Variants in ZNHIT6 observed in about 807,000 individuals in gnomAD.
The protein encoded by ZNHIT6 is zinc finger HIT-type containing 6.
A neutral mutation model predicts 57.2 loss-of-function variants in ZNHIT6; 45 were observed. That is an observed-to-expected ratio of 0.79 (90% CI 0.62 to 1.01). The LOEUF (loss-of-function observed/expected upper bound fraction) is 1.01. ZNHIT6 is among the 50% of genes least tolerant of loss of function. ZNHIT6 has a pLI of 0.00. For missense variants in ZNHIT6, 528 were observed against 567.3 expected (o/e 0.93, Z 0.70); for synonymous variants, 188 against 190.0 (o/e 0.99, Z 0.09).
intron 8 of ZNHIT6, among the ~76,000 whole-genome samples, chr1:85,662,758 T>C (rs1661260966): frequency 1.3e-5 from 2 of 152,202 alleles, no homozygotes; most frequent in Non-Finnish European, 2.9e-5. Flanking sequence ...GGACGATACC[T>C]GCTTGACATG....
chr1:85,670,533 C>T (rs1661530686), intron 8 of ZNHIT6, among the ~76,000 whole-genome samples: 1 of 152,104 alleles, frequency 6.6e-6, no homozygotes, highest in African/African-American at 2.4e-5. Context: ...CACAACTCTG[C>T]AGGAAATATA....
intron 5 of ZNHIT6, among the ~76,000 whole-genome samples, chr1:85,694,974 T>C (rs1662324230): frequency 6.6e-6 from 1 of 151,926 alleles, no homozygotes; most frequent in African/African-American, 2.4e-5. Flanking sequence ...CATTAAAAAA[T>C]GAAAATAAGA....
chr1:85,679,830 C>A (rs568779193), intron 6 of ZNHIT6, among the ~76,000 whole-genome samples: 37 of 152,292 alleles, frequency 2.4e-4, no homozygotes, highest in African/African-American at 8.7e-4. Flanking sequence ...GGCAATCCAT[C>A]CGCCTCGACC....
intron 4 of ZNHIT6, 102 bp from the exon 5 acceptor site, chr1:85,702,362 A>C (rs947579635): frequency 1.4e-6 from 1 of 698,890 alleles, no homozygotes; most frequent in Non-Finnish European, 2.4e-6. Context: ...CTGAGAACCT[A>C]AGTGTTACAA....
At chr1:85,679,409 C>T (rs1661797724) in intron 6 of ZNHIT6, among the ~76,000 whole-genome samples, 1 of 152,038 alleles carries the variant, frequency 6.6e-6, no homozygotes, top group African/African-American at 2.4e-5. Context: ...TTGTATGCAA[C>T]TCCAAATAAC....
At chr1:85,661,092 A>G (rs1661207734) in intron 8 of ZNHIT6, among the ~76,000 whole-genome samples, 1 of 152,238 alleles carries the variant, frequency 6.6e-6, no homozygotes, top group Non-Finnish European at 1.5e-5. Context: ...CTCTTAATCT[A>G]CCATTAATAT....
chr1:85,679,568 T>TTG (rs1553156736), intron 6 of ZNHIT6, among the ~76,000 whole-genome samples: 2 of 150,620 alleles, frequency 1.3e-5, no homozygotes, highest in Admixed American at 6.6e-5. Flanking sequence ...AAAATGTTTT[T>TTG]TTTTTTTTTT....
intron 8 of ZNHIT6, among the ~76,000 whole-genome samples, chr1:85,659,664 A>C (rs1363478287): frequency 6.6e-6 from 1 of 152,220 alleles, no homozygotes; most frequent in Non-Finnish European, 1.5e-5. Flanking sequence ...CACCATAATC[A>C]TAGCTGAGTA....
intron 8 of ZNHIT6, among the ~76,000 whole-genome samples, chr1:85,673,616 C>G (rs956271614): frequency 1.3e-5 from 2 of 152,170 alleles, no homozygotes; most frequent in Non-Finnish European, 2.9e-5. Context: ...AAAGAAACTA[C>G]ATGTTTCTGA....
At position 85,653,774 on chromosome 1, in the gene ZNHIT6, A is replaced by G. The variant is rs1660981135; in HGVS notation, c.*284T>C. On this transcript the variant is annotated 3_prime_UTR_variant, in exon 10 of 10. Transcript: ENST00000370574. ...AAGAAAAAAGAAAAAAAAAGTTTTC[A>G]GTTTATGGAATTAAGCAATTAAGCA... 3.2e-6 allele frequency: 1 copy of G among 310,754 alleles called. No homozygotes were observed. Among genetic ancestry groups the G allele is most frequent in the Non-Finnish European group, 5.8e-6 (1 of 172,144 alleles). The allele number at this position is 310,754 out of a possible 1,614,324, so 19.2% of individuals were successfully genotyped here. A position where few individuals can be genotyped will look rare whatever the true frequency, so the allele number is the denominator to read the frequency against.
At chr1:85,667,961 A>AAAAAAAAAAAAAAAAAAAAATATATATAT in intron 8 of ZNHIT6, among the ~76,000 whole-genome samples, 3 of 18,200 alleles carry the variant, frequency 1.6e-4, no homozygotes, top group Non-Finnish European at 3.0e-4. Context: ...AAAAAAAAAA[A>AAAAAAAAAAAAAAAAAAAAATATATATAT]ATATATATAT....
intron 8 of ZNHIT6, among the ~76,000 whole-genome samples, chr1:85,669,778 T>C (rs909897433): frequency 5.3e-5 from 8 of 152,182 alleles, no homozygotes; most frequent in African/African-American, 1.9e-4. Context: ...CTGGGCACCT[T>C]TTATGCCTTG....
In ZNHIT6 at chr1:85,657,410, C is replaced by G. The variant is rs139595501; in HGVS notation, c.1372+437G>C. 3.4e-4 allele frequency among the ~76,000 whole-genome samples: 46 copies of G among 134,916 alleles called. No individual in the cohort carries two copies. In the East Asian group the frequency reaches 0.01, roughly 30 times the overall value. The allele number at this position is 134,916 out of a possible 152,430, so 88.5% of individuals were successfully genotyped here. On this transcript the variant is annotated intron_variant, in intron 9 of 9. Transcript: ENST00000370574. ...TTTTCTCCTTCTATAAGGTAGGATA[C>G]TAGGCTTTTTTTTTTTTTTTTTAAC... is the stretch of plus-strand genomic sequence containing the variant.
intron 5 of ZNHIT6, among the ~76,000 whole-genome samples, chr1:85,694,124 AT>A (rs1254975135): frequency 6.6e-6 from 1 of 152,190 alleles, no homozygotes; most frequent in Non-Finnish European, 1.5e-5. Flanking sequence ...GGTGATGGTA[AT>A]GTTCTATTTA....
At position 85,707,775 on chromosome 1, in the gene ZNHIT6, T is replaced by C. The variant is rs779773889; in HGVS notation, c.510A>G (p.Gln170=). 1.7e-5 allele frequency: 27 copies of C among 1,614,100 alleles called. No homozygotes were observed. The highest frequency in any genetic ancestry group is 3.3e-5 in the South Asian group (3 of 91,090). The stretch of plus-strand genomic sequence containing the variant: ...CATGCATCAATTCCTCTTTTATGCA[T>C]TGACCAACAAACTTCTCCTCCTGTT... ...EIKQEEKFVG[Q]CIKEELMHGE... is the part of the protein sequence containing the mutation. The change falls in exon 1 of 10, where the codon CAA becomes CAG. Residue 170 remains glutamine, a synonymous_variant. Transcript: ENST00000370574.
intron 5 of ZNHIT6, among the ~76,000 whole-genome samples, chr1:85,691,172 T>C (rs1329327056): frequency 1.3e-5 from 2 of 152,204 alleles, no homozygotes; most frequent in Non-Finnish European, 2.9e-5. Flanking sequence ...GATAAGGCAA[T>C]AGGCACAGGG....
chr1:85,696,217 C>G (rs1334275937), intron 5 of ZNHIT6, among the ~76,000 whole-genome samples: 2 of 150,990 alleles, frequency 1.3e-5, no homozygotes, highest in Non-Finnish European at 2.9e-5. Flanking sequence ...CTCTGTCGCC[C>G]AGGCTGGAAT....
rs189894481 is a variant in ZNHIT6 at position 85,653,111 on chromosome 1, A to G, written c.*947T>C. On this transcript the variant is annotated 3_prime_UTR_variant, in exon 10 of 10. Transcript: ENST00000370574. ...GAGAGTGGGCTAGGAATGTGATGAA[A>G]GGCACAGAATTCATAAGACTTGAGT... is the stretch of plus-strand genomic sequence containing the variant. 1.3e-5 allele frequency: 2 copies of G among 152,286 alleles called. 1 individual carries two copies. The highest frequency in any genetic ancestry group is 3.9e-4 in the East Asian group (2 of 5,172). 9.4% of individuals were successfully genotyped at this position (152,286 alleles called of 1,614,324 possible). A position where few individuals can be genotyped will look rare whatever the true frequency, so the allele number is the denominator to read the frequency against.
In ZNHIT6 at chr1:85,672,795, C is replaced by CA. The variant is rs11344429; in HGVS notation, c.1247+4440dup. Among the ~76,000 whole-genome samples the CA allele has an allele frequency of 5.1e-3, 678 of 133,740 alleles. 4 individuals carry two copies. Among genetic ancestry groups the CA allele is most frequent in the African/African-American group, 0.011 (374 of 35,474 alleles). 87.7% of individuals were successfully genotyped at this position (133,740 alleles called of 152,430 possible). On this transcript the variant is annotated intron_variant, in intron 8 of 9. Transcript: ENST00000370574. ...GATCATCCTATAACTGCTTAAATCA[C>CA]AAAAAAAAAAAAAACCACGAAGATT...
Sources: gnomAD v4.1 joint callset for allele counts (sites outside exome capture counted in the v4.1 genomes callset) on GRCh38, gnomAD v4.1.1 for gene constraint, MANE v1.5 for transcripts, NCBI Gene and HGNC (gene_info 2026-07-23, HGNC 2026-07-21) for gene names.